CEP63: variants seen among roughly 807,000 people sequenced by gnomAD.
The protein encoded by CEP63 is centrosomal protein of 63 kDa.
CEP63 carries 84 observed loss-of-function variants against 89.1 expected under a neutral mutation model. The observed-to-expected ratio is 0.94, with a 90% CI of 0.79 to 1.13. CEP63 has a LOEUF of 1.13. CEP63 is among the 50% of genes most tolerant of loss of function. The pLI is 0.00. For synonymous variants in CEP63, 267 were observed against 272.5 expected (o/e 0.98, Z 0.20); for missense variants, 838 against 813.3 (o/e 1.03, Z -0.37).
At chr3:134,701,742 G>A in the CEP63 span, among the ~76,000 whole-genome samples, 1 of 152,172 alleles carries the variant, frequency 6.6e-6, no homozygotes, top group South Asian at 2.1e-4. Flanking sequence ...TCAGGCAAGA[G>A]AAAGAAATAA....
chr3:134,519,739 A>G (rs951844790), intron 3 of CEP63, among the ~76,000 whole-genome samples: 1 of 152,224 alleles, frequency 6.6e-6, no homozygotes, highest in Non-Finnish European at 1.5e-5. Context: ...TAGAAATTAC[A>G]TACTAACTTA....
At chr3:134,616,943 T>C in the CEP63 span, among the ~76,000 whole-genome samples, 5 of 152,178 alleles carry the variant, frequency 3.3e-5, no homozygotes, top group Non-Finnish European at 7.3e-5. Context: ...AATATATAGA[T>C]GAGAGCACTG....
the CEP63 span, among the ~76,000 whole-genome samples, chr3:134,770,938 A>G: frequency 6.6e-6 from 1 of 152,226 alleles, no homozygotes; most frequent in Non-Finnish European, 1.5e-5. Flanking sequence ...AACAATGATA[A>G]GATTTATACA....
intron 3 of CEP63, among the ~76,000 whole-genome samples, chr3:134,522,586 C>T (rs1156930575): frequency 5.9e-5 from 9 of 151,860 alleles, no homozygotes; most frequent in Admixed American, 5.9e-4. Flanking sequence ...AAGCCTAGTA[C>T]CCCTTAGTTA....
chr3:134,583,734 G>C (rs1958417834), intron 10 of CEP63, among the ~76,000 whole-genome samples: 1 of 152,176 alleles, frequency 6.6e-6, no homozygotes, highest in Admixed American at 6.5e-5. Flanking sequence ...TTGGTAGCTT[G>C]ATGGGGATGG....
the CEP63 span, among the ~76,000 whole-genome samples, chr3:134,678,819 C>T: frequency 2.6e-5 from 4 of 152,196 alleles, no homozygotes; most frequent in African/African-American, 9.7e-5. Context: ...GCTCATGCAC[C>T]CCCTCCACTT....
At chr3:134,498,700 T>C (rs1389855381) in intron 2 of CEP63, among the ~76,000 whole-genome samples, 2 of 152,164 alleles carry the variant, frequency 1.3e-5, no homozygotes, top group African/African-American at 4.8e-5. Flanking sequence ...AGCTGTCTTA[T>C]ATGGCCTTTA....
At chr3:134,754,780 C>A in the CEP63 span, among the ~76,000 whole-genome samples, 1 of 152,160 alleles carries the variant, frequency 6.6e-6, no homozygotes, top group Admixed American at 6.6e-5. Flanking sequence ...AAAAAGGGCT[C>A]CAGACGCCAC....
At chr3:134,757,109 T>C in the CEP63 span, among the ~76,000 whole-genome samples, 1 of 152,272 alleles carries the variant, frequency 6.6e-6, no homozygotes, top group Non-Finnish European at 1.5e-5. Context: ...TGCTTTCCTT[T>C]TTCATCTTTT....
chr3:134,499,633 T>C (rs763161094), intron 2 of CEP63, among the ~76,000 whole-genome samples: 19 of 152,084 alleles, frequency 1.2e-4, no homozygotes, highest in Admixed American at 8.5e-4. Flanking sequence ...TTTTTATTTT[T>C]TAGATTCAGG....
At chr3:134,625,199 C>A in the CEP63 span, 1 of 1,304,850 alleles carries the variant, frequency 7.7e-7, no homozygotes, top group East Asian at 2.5e-5. Flanking sequence ...CTGGCCTAGG[C>A]CTTGCTGTCT....
chr3:134,725,969 G>A, the CEP63 span, among the ~76,000 whole-genome samples: 1 of 152,152 alleles, frequency 6.6e-6, no homozygotes, highest in African/African-American at 2.4e-5. Context: ...GGAAGGACAT[G>A]GGGGTTGCAA....
downstream of CEP63, among the ~76,000 whole-genome samples, chr3:134,567,656 G>T (rs1957838168): frequency 2.0e-5 from 3 of 152,172 alleles, no homozygotes; most frequent in Admixed American, 2.0e-4. Flanking sequence ...CATTGCTTGT[G>T]GTGTGGGGTG....
At chr3:134,536,774 C>G in intron 5 of CEP63, 1 of 300,910 alleles carries the variant, frequency 3.3e-6, no homozygotes, top group East Asian at 8.4e-5. Context: ...ATTTGGATAG[C>G]GAGGGATATC....
rs974539794 is a variant in CEP63 at position 134,562,199 on chromosome 3, A to G, written c.*664A>G. The G allele has an allele frequency of 3.0e-6, 3 of 986,266 alleles. No individual in the cohort carries two copies. Among genetic ancestry groups the G allele is most frequent in the African/African-American group, 1.7e-5 (1 of 57,258 alleles). The allele number at this position is 986,266 out of a possible 1,614,324, so 61.1% of individuals were successfully genotyped here. On this transcript the variant is annotated 3_prime_UTR_variant, in exon 15 of 15. Transcript: ENST00000675561. ...GAATATCCATTGGAAATAAATGTTC[A>G]TCGTCTGCACTGCTGAGGACAAGTT...
chr3:134,756,342 A>G, the CEP63 span, among the ~76,000 whole-genome samples: 1,240 of 152,280 alleles, frequency 8.1e-3, 18 homozygotes, highest in South Asian at 0.059. Flanking sequence ...CTAAATAGTT[A>G]TGAAGGGTAT....
the CEP63 span, among the ~76,000 whole-genome samples, chr3:134,627,463 A>T: frequency 6.6e-6 from 1 of 152,194 alleles, no homozygotes; most frequent in Non-Finnish European, 1.5e-5. Flanking sequence ...TTTAAAGTTA[A>T]CATAATCCTG....
At chr3:134,629,815 A>G in the CEP63 span, 1 of 658,022 alleles carries the variant, frequency 1.5e-6, no homozygotes. Flanking sequence ...GTGTGTACAA[A>G]TCATCCTTGT....
At chr3:134,596,461 C>A in the CEP63 span, among the ~76,000 whole-genome samples, 1 of 152,188 alleles carries the variant, frequency 6.6e-6, no homozygotes, top group Non-Finnish European at 1.5e-5. Context: ...CCCCACATTC[C>A]CAGCCCTCCC....
Sources: allele counts gnomAD v4.1 joint callset (sites outside exome capture counted in the v4.1 genomes callset), GRCh38; gene constraint gnomAD v4.1.1; transcripts MANE v1.5; gene names NCBI Gene and HGNC (gene_info 2026-07-23, HGNC 2026-07-21).